NGEF: variants seen among roughly 807,000 people sequenced by gnomAD.
NGEF encodes the protein ephexin-1.
In NGEF, 31 loss-of-function variants were observed where a neutral mutation model predicts 80.9. That is an observed-to-expected ratio of 0.38 (90% CI 0.29 to 0.52). The LOEUF (loss-of-function observed/expected upper bound fraction) is 0.52. Among genes scored for constraint, NGEF ranks in the 20% least tolerant of loss-of-function variants. The probability of loss-of-function intolerance (pLI) is 0.84; values close to 1 mark genes in which losing one functional copy is unlikely to be tolerated. For missense variants in NGEF, 709 were observed against 926.2 expected, an observed-to-expected ratio of 0.77 and a Z score of 3.04; for synonymous variants, 371 against 370.2, an observed-to-expected ratio of 1.00 and a Z score of -0.03.
intron 11 of NGEF, 63 bp downstream of exon 11, chr2:232,883,918 A>G: frequency 6.7e-7 from 1 of 1,495,886 alleles, no homozygotes. Flanking sequence ...GCCACAATCA[A>G]ACCCAATGCC....
At chr2:232,889,946 T>C (rs574012329) in intron 8 of NGEF, among the ~76,000 whole-genome samples, 23 of 152,120 alleles carry the variant, frequency 1.5e-4, no homozygotes, top group African/African-American at 5.5e-4. Context: ...AGCTGCACTC[T>C]ATACCGTCCA....
At chr2:233,009,326 T>A (rs942035815) in intron 1 of NGEF, among the ~76,000 whole-genome samples, 1 of 152,154 alleles carries the variant, frequency 6.6e-6, no homozygotes, top group African/African-American at 2.4e-5. Flanking sequence ...GGCCTCCACT[T>A]CTATCCATGT....
At position 232,962,565 on chromosome 2, in the gene NGEF, C is replaced by A. The variant is rs1003724041; in HGVS notation, c.383+7649G>T. On this transcript the variant is annotated intron_variant, in intron 3 of 14. Coordinates refer to ENST00000264051, the MANE Select transcript of NGEF (RefSeq NM_019850.3). ...CTCCATCTCAAAAAGAGCTAATAAG[C>A]GAATTTATTAAGATCACAGGATACT... Among the ~76,000 whole-genome samples, 5 of 151,436 alleles carry A rather than the reference C, an allele frequency of 3.3e-5. No homozygotes were observed. The East Asian group carries it at 7.8e-4, about 23-fold the overall frequency.
At chr2:232,983,313 G>T (rs553939989) in intron 1 of NGEF, among the ~76,000 whole-genome samples, 1 of 152,118 alleles carries the variant, frequency 6.6e-6, no homozygotes, top group Non-Finnish European at 1.5e-5. Context: ...TGGGGGCGTC[G>T]GCTTCGGGAG....
At chr2:232,999,661 G>T (rs1389284606) in intron 1 of NGEF, among the ~76,000 whole-genome samples, 3 of 152,248 alleles carry the variant, frequency 2.0e-5, no homozygotes, top group Non-Finnish European at 2.9e-5. Flanking sequence ...CCCTTGGCAA[G>T]CTCCCGCCTG....
chr2:232,920,448 C>T lies in NGEF; in HGVS notation c.664G>A (p.Glu222Lys), dbSNP rs1358015158. 1.1e-5 allele frequency: 17 copies of T among 1,613,812 alleles called. No individual in the cohort carries two copies. The highest frequency in any genetic ancestry group is 1.4e-5 in the Non-Finnish European group (16 of 1,179,920). ...GGGCTGGCCGGCTCCTCCTCCTCCTCCTCTTCTTCTTCCTCCTCCGGGGTG... is the reference window on the plus strand; with the variant it reads ...GGGCTGGCCGGCTCCTCCTCCTCCTTCTCTTCTTCTTCCTCCTCCGGGGTG... Reference protein sequence around the residue: ...EDTPEEEEEEEEEEEPASPPE... With the variant: ...EDTPEEEEEEKEEEEPASPPE... The change falls in exon 5 of 15, where the codon GAG becomes AAG. Residue 222 changes from glutamate (E) to lysine (K), a missense_variant. Coordinates refer to ENST00000264051, the MANE Select transcript of NGEF (RefSeq NM_019850.3).
intron 5 of NGEF, chr2:232,905,880 T>G (rs1692502748): frequency 1.1e-5 from 2 of 186,468 alleles, no homozygotes; most frequent in South Asian, 5.4e-5. Flanking sequence ...AGCCGCCCCG[T>G]CCGGGAGGGA....
chr2:232,879,193 G>T lies in NGEF; in HGVS notation c.*296C>A. 3.2e-6 allele frequency: 1 copy of T among 308,912 alleles called. No individual in the cohort carries two copies. The highest frequency in any genetic ancestry group is 6.0e-6 in the Non-Finnish European group (1 of 165,508). 19.1% of individuals were successfully genotyped at this position (308,912 alleles called of 1,614,324 possible). A position where few individuals can be genotyped will look rare whatever the true frequency, so the allele number is the denominator to read the frequency against. The stretch of plus-strand genomic sequence containing the variant: ...GGGGCCAGGGGCATGGGGGGCCCTG[G>T]AGTGTGCCCACCCCCTTCCACCCCC... On this transcript the variant is annotated 3_prime_UTR_variant, in exon 15 of 15. Coordinates refer to ENST00000264051, the MANE Select transcript of NGEF (RefSeq NM_019850.3).
At chr2:232,981,473 G>C (rs1430403910) in intron 1 of NGEF, among the ~76,000 whole-genome samples, 1 of 152,048 alleles carries the variant, frequency 6.6e-6, no homozygotes, top group African/African-American at 2.4e-5. Context: ...GTTGCTCCTG[G>C]GGATAACATC....
intron 5 of NGEF, among the ~76,000 whole-genome samples, chr2:232,899,519 T>C (rs1298690732): frequency 1.3e-5 from 2 of 151,978 alleles, no homozygotes; most frequent in Non-Finnish European, 2.9e-5. Flanking sequence ...TTCACACACA[T>C]GCTCTCACAG....
chr2:232,914,035 C>T (rs1191754146), intron 5 of NGEF, among the ~76,000 whole-genome samples: 1 of 152,192 alleles, frequency 6.6e-6, no homozygotes, highest in Admixed American at 6.5e-5. Context: ...CTTTTCCATG[C>T]TTTAGACTAG....
intron 5 of NGEF, among the ~76,000 whole-genome samples, chr2:232,900,360 TCA>T (rs767551809): frequency 1.0e-5 from 1 of 96,350 alleles, no homozygotes; most frequent in African/African-American, 4.2e-5. Context: ...ACACGTTCAC[TCA>T]CATTCACTTA....
chr2:232,892,920 C>T lies in NGEF; in HGVS notation c.1120G>A (p.Glu374Lys). The T allele has an allele frequency of 6.2e-7, 1 of 1,613,488 alleles. No homozygotes were observed. Among genetic ancestry groups the T allele is most frequent in the Non-Finnish European group, 8.5e-7 (1 of 1,179,900 alleles). Residue 374 changes from glutamate (E) to lysine (K), a missense_variant, in exon 7 of 15, where the codon GAG becomes AAG. Around this residue, in one of 2 missense-constraint regions of NGEF, gnomAD observed 426 missense variants for 622.9 expected, o/e 0.68. Transcript: ENST00000264051. The surrounding 1 kb of genome is among the most constrained non-coding windows in gnomAD (Gnocchi z 4.0). Reference protein sequence around the residue: ...ITYVSNQTYQERTYKQLLQEK... With the variant: ...ITYVSNQTYQKRTYKQLLQEK... Reference sequence around the variant, plus strand: ...CACAGCAGCTGCTTATAGGTCCGCTCCTGGTAGGTCTGATTGCTGACGTAG... The same window carrying T: ...CACAGCAGCTGCTTATAGGTCCGCTTCTGGTAGGTCTGATTGCTGACGTAG...
intron 1 of NGEF, among the ~76,000 whole-genome samples, chr2:232,977,280 C>T (rs1230126847): frequency 2.6e-5 from 4 of 152,248 alleles, no homozygotes; most frequent in South Asian, 4.1e-4. Context: ...TCGGGAGGGA[C>T]GAGGTCACCA....
At chr2:232,995,646 G>C (rs1427660416) in intron 1 of NGEF, among the ~76,000 whole-genome samples, 44 of 33,356 alleles carry the variant, frequency 1.3e-3, no homozygotes, top group African/African-American at 6.7e-3. Flanking sequence ...ATGTATTATA[G>C]TGTATATATG....
intron 1 of NGEF, among the ~76,000 whole-genome samples, chr2:232,995,702 A>G (rs1463928765): frequency 7.0e-6 from 1 of 143,170 alleles, no homozygotes; most frequent in Admixed American, 7.1e-5. Flanking sequence ...TGTATGTATT[A>G]TATGTGTATA....
At chr2:232,909,704 C>T (rs1446191067) in intron 5 of NGEF, among the ~76,000 whole-genome samples, 1 of 152,080 alleles carries the variant, frequency 6.6e-6, no homozygotes, top group East Asian at 1.9e-4. Flanking sequence ...ACCCCCTCAG[C>T]CATCCCGTCT....
chr2:232,884,268 G>A, intron 10 of NGEF, 124 bp from the exon 11 acceptor site: 1 of 1,163,146 alleles, frequency 8.6e-7, no homozygotes, highest in South Asian at 1.7e-5. Context: ...TGAGGCACAA[G>A]TTGGGGGGAA....
intron 3 of NGEF, among the ~76,000 whole-genome samples, chr2:232,943,337 G>A (rs992521940): frequency 4.6e-5 from 7 of 152,072 alleles, no homozygotes; most frequent in African/African-American, 9.7e-5. Context: ...CTCCACAGGC[G>A]TGAGTCAGAG....
Sources: gnomAD v4.1 joint callset for allele counts (sites outside exome capture counted in the v4.1 genomes callset) on GRCh38, gnomAD v4.1.1 for gene constraint, gnomAD v4.1.1 regional missense constraint, Gnocchi (gnomAD v3.1) non-coding constraint, MANE v1.5 for transcripts, NCBI Gene and HGNC (gene_info 2026-07-23, HGNC 2026-07-21) for gene names.